The following ABI3BP variants were observed in gnomAD, a reference collection of about 807,000 sequenced individuals.
ABI3BP encodes the protein ABI family member 3 binding protein, also known as target of Nesh-SH3.
ABI3BP carries 216 observed loss-of-function variants against 268.6 expected under a neutral mutation model. The ratio of observed to expected loss-of-function variants is 0.80; its 90% CI spans 0.72 to 0.90. ABI3BP has a LOEUF of 0.90. Among genes scored for constraint, ABI3BP ranks in the 40% least tolerant of loss-of-function variants. The pLI is 0.00. For synonymous variants in ABI3BP, 730 were observed against 730.0 expected (o/e 1.00, Z 0.00); for missense variants, 2,090 against 2,182.4 (o/e 0.96, Z 0.84).
At chr3:100,786,744 C>A (rs983474) in intron 57 of ABI3BP, among the ~76,000 whole-genome samples, 49,059 of 151,988 alleles carry the variant, frequency 0.32, 10,817 homozygotes, top group African/African-American at 0.63. Flanking sequence ...CACAGTTGGG[C>A]AGAATAAAAA....
intron 33 of ABI3BP, among the ~76,000 whole-genome samples, chr3:100,829,189 A>G (rs2098441636): frequency 6.6e-6 from 1 of 152,050 alleles, no homozygotes; most frequent in Non-Finnish European, 1.5e-5. Context: ...CAGGGACTAT[A>G]TGGCCCAGAA....
At chr3:100,910,437 T>C (rs1408825326) in intron 2 of ABI3BP, among the ~76,000 whole-genome samples, 1 of 152,060 alleles carries the variant, frequency 6.6e-6, no homozygotes, top group Non-Finnish European at 1.5e-5. Context: ...AAATTATCAG[T>C]TTAGGAGAAT....
chr3:100,928,668 A>G (rs979946686), intron 1 of ABI3BP, among the ~76,000 whole-genome samples: 1 of 152,124 alleles, frequency 6.6e-6, no homozygotes, highest in Non-Finnish European at 1.5e-5. Flanking sequence ...ATAAAAAGCC[A>G]GGGATATGAG....
chr3:100,789,555 A>C, intron 55 of ABI3BP, 39 bp from the exon 56 acceptor site: 1 of 1,552,930 alleles, frequency 6.4e-7, no homozygotes, highest in Non-Finnish European at 8.7e-7. Context: ...TAACCAACAG[A>C]CCAAAGCCTC....
At chr3:100,914,967 GA>G in intron 2 of ABI3BP, among the ~76,000 whole-genome samples, 1 of 152,312 alleles carries the variant, frequency 6.6e-6, no homozygotes, top group South Asian at 2.1e-4. Context: ...ACCCACGGCT[GA>G]CTACATAATT....
At chr3:100,854,984 T>C (rs1484898595) in intron 14 of ABI3BP, among the ~76,000 whole-genome samples, 2 of 152,056 alleles carry the variant, frequency 1.3e-5, no homozygotes, top group Non-Finnish European at 2.9e-5. Context: ...TGGAGTGAAA[T>C]GGCACGATCT....
At chr3:100,881,297 A>C (rs755587749) in intron 6 of ABI3BP, among the ~76,000 whole-genome samples, 1 of 152,200 alleles carries the variant, frequency 6.6e-6, no homozygotes, top group East Asian at 1.9e-4. Flanking sequence ...CTCTCTTCAC[A>C]TCAATCATTT....
chr3:100,833,298 C>T, intron 29 of ABI3BP, 141 bp from the exon 30 acceptor site: 1 of 709,768 alleles, frequency 1.4e-6, no homozygotes, highest in South Asian at 2.1e-5. Flanking sequence ...TTGAAGTTCT[C>T]AAGTGAGGGT....
intron 33 of ABI3BP, among the ~76,000 whole-genome samples, chr3:100,829,220 T>A (rs1197312988): frequency 6.6e-6 from 1 of 152,140 alleles, no homozygotes; most frequent in Non-Finnish European, 1.5e-5. Flanking sequence ...ATTTACTATC[T>A]GGCTCTGTCT....
chr3:100,932,112 C>T (rs144515693), intron 1 of ABI3BP, among the ~76,000 whole-genome samples: 13 of 152,044 alleles, frequency 8.6e-5, no homozygotes, highest in African/African-American at 3.1e-4. Flanking sequence ...AGGGAAAGGA[C>T]TCCCTATTCA....
In ABI3BP at chr3:100,778,317, G is replaced by A. The variant is rs1430214530; in HGVS notation, c.4300C>T (p.Pro1434Ser). 1.2e-6 allele frequency: 2 copies of A among 1,613,848 alleles called. No individual in the cohort carries two copies. The highest frequency in any genetic ancestry group is 8.5e-7 in the Non-Finnish European group (1 of 1,179,818). Residue 1434 changes from proline (P) to serine (S), a missense_variant, in exon 59 of 68, where the codon CCA (proline) becomes TCA (serine). By Grantham distance (74) the Pro-to-Ser change is moderately conservative. Transcript: ENST00000471714. ...PTHPRRKPLP[P>S]NNVTGKPGSA... ...CCTGGCTTTCCAGTGACATTATTTG[G>A]TGGTAAAGGTTTTCTTCGTGGGTGT... is the stretch of plus-strand genomic sequence containing the variant.
chr3:100,933,437 A>G lies in ABI3BP; in HGVS notation c.80-6956T>C, dbSNP rs567961371. On this transcript the variant is annotated intron_variant, in intron 1 of 67. Transcript: ENST00000471714. ...AACCTCTATACCTACTCAGCTACTTATTTCATTATACAAAATCAAATTTTC... is the reference window on the plus strand; with the variant it reads ...AACCTCTATACCTACTCAGCTACTTGTTTCATTATACAAAATCAAATTTTC... Among the ~76,000 whole-genome samples the G allele has an allele frequency of 9.9e-5, 15 of 152,052 alleles. No homozygotes were observed. The East Asian group carries it at 2.1e-3, about 22-fold the overall frequency.
At chr3:100,928,760 C>T (rs1426248172) in intron 1 of ABI3BP, among the ~76,000 whole-genome samples, 2 of 151,982 alleles carry the variant, frequency 1.3e-5, no homozygotes, top group African/African-American at 4.8e-5. Flanking sequence ...GCGCCCAGCA[C>T]GTTAAAAGTG....
At position 100,887,305 on chromosome 3, in the gene ABI3BP, A is replaced by G. The variant is rs149205681; in HGVS notation, c.462-982T>C. Among the ~76,000 whole-genome samples the G allele has an allele frequency of 2.4e-3, 360 of 152,186 alleles. 1 individual carries two copies. The highest frequency in any genetic ancestry group is 3.8e-3 in the Non-Finnish European group (259 of 67,954). On this transcript the variant is annotated intron_variant, in intron 4 of 67. Transcript: ENST00000471714. The stretch of plus-strand genomic sequence containing the variant: ...ACATGTATCAATGTGGATAGATTTT[A>G]GAAACAAAATATCAAATAAAAACAA...
chr3:100,861,606 G>GTT (rs1484130805), intron 14 of ABI3BP, among the ~76,000 whole-genome samples: 1 of 151,668 alleles, frequency 6.6e-6, no homozygotes, highest in African/African-American at 2.4e-5. Context: ...GCAATCAAAA[G>GTT]ATGTACAGAA....
At chr3:100,784,351 G>T (rs1351544975) in intron 57 of ABI3BP, among the ~76,000 whole-genome samples, 1 of 152,126 alleles carries the variant, frequency 6.6e-6, no homozygotes, top group African/African-American at 2.4e-5. Context: ...CTGCAAGAAT[G>T]GCCATTATCA....
intron 30 of ABI3BP, among the ~76,000 whole-genome samples, 170 bp from the exon 31 acceptor site, chr3:100,832,520 C>A (rs572625168): frequency 3.1e-4 from 47 of 152,110 alleles, no homozygotes; most frequent in Non-Finnish European, 4.6e-4. Flanking sequence ...TCTTTGATAA[C>A]TGAAAGTTCT....
intron 51 of ABI3BP, among the ~76,000 whole-genome samples, chr3:100,804,131 G>A (rs377007996): frequency 1.6e-4 from 24 of 152,188 alleles, no homozygotes; most frequent in African/African-American, 5.1e-4. Flanking sequence ...AGTTACCAGC[G>A]GCTTCCTAAG....
chr3:100,772,244 G>A (rs545933143), intron 61 of ABI3BP, among the ~76,000 whole-genome samples: 7 of 152,272 alleles, frequency 4.6e-5, no homozygotes, highest in Admixed American at 1.3e-4. Flanking sequence ...AAATATTAAA[G>A]GAAGTCTTTC....
Sources: gnomAD v4.1 joint callset for allele counts (sites outside exome capture counted in the v4.1 genomes callset) on GRCh38, gnomAD v4.1.1 for gene constraint, MANE v1.5 for transcripts, NCBI Gene and HGNC (gene_info 2026-07-23, HGNC 2026-07-21) for gene names.